Variants in TCF12 observed in about 807,000 individuals in gnomAD.
The protein encoded by TCF12 is DNA-binding protein HTF4.
A neutral mutation model predicts 86.0 loss-of-function variants in TCF12; 45 were observed. The observed-to-expected ratio is 0.52, with a 90% CI of 0.41 to 0.67. TCF12 has a LOEUF of 0.67. TCF12 is among the 30% of genes least tolerant of loss of function. The pLI is 0.00. For synonymous variants in TCF12, 330 were observed against 299.6 expected, an observed-to-expected ratio of 1.10 and a Z score of -1.05; for missense variants, 881 against 859.9, an observed-to-expected ratio of 1.02 and a Z score of -0.31.
chr15:57,149,256 T>G (rs1278981439), intron 5 of TCF12, among the ~76,000 whole-genome samples: 2 of 152,172 alleles, frequency 1.3e-5, no homozygotes, highest in South Asian at 2.1e-4. Flanking sequence ...ATATTTAGAG[T>G]ATATGTATGT....
rs1372325690 is a variant in TCF12, at chr15:57,136,958, GTTTTTTTTTTTGTTTTTTT to G, written c.326-29432_326-29414del. ...TAGACAATAGCCACTGCTTCTGGCAGTTTTTTTTTTTGTTTTTTTTTTTTTTTTTTTTTTTTTTTGAGAC... is the reference window on the plus strand; with the variant it reads ...TAGACAATAGCCACTGCTTCTGGCAGTTTTTTTTTTTTTTTTTTTTGAGAC... On this transcript the variant is annotated intron_variant, in intron 5 of 20. Coordinates refer to ENST00000333725, the MANE Select transcript of TCF12 (RefSeq NM_207037.2). Among the ~76,000 whole-genome samples, 545 of 83,010 alleles carry G rather than the reference GTTTTTTTTTTTGTTTTTTT, an allele frequency of 6.6e-3. 36 individuals carry two copies. The highest frequency in any genetic ancestry group is 0.029 in the Admixed American group (179 of 6,156). 54.5% of individuals were successfully genotyped at this position (83,010 alleles called of 152,430 possible). A position where few individuals can be genotyped will look rare whatever the true frequency, so the allele number is the denominator to read the frequency against.
At chr15:56,970,061 G>A (rs1027654506) in intron 3 of TCF12, among the ~76,000 whole-genome samples, 1 of 152,222 alleles carries the variant, frequency 6.6e-6, no homozygotes, top group African/African-American at 2.4e-5. Context: ...AAAAGGTCAT[G>A]TGGACAGACT....
intron 19 of TCF12, among the ~76,000 whole-genome samples, chr15:57,275,542 C>T (rs1373386816): frequency 1.3e-5 from 2 of 151,988 alleles, no homozygotes; most frequent in Non-Finnish European, 2.9e-5. Flanking sequence ...TTGTCTTTGG[C>T]AACACCTTCA....
At chr15:56,934,927 C>G (rs1236574857) in intron 3 of TCF12, among the ~76,000 whole-genome samples, 1 of 152,110 alleles carries the variant, frequency 6.6e-6, no homozygotes, top group African/African-American at 2.4e-5. Context: ...CGTGACTGGA[C>G]TCAAGAAAAT....
At chr15:56,920,042 G>C (rs2059710504) in intron 2 of TCF12, 54 bp downstream of exon 2, 1 of 1,603,160 alleles carries the variant, frequency 6.2e-7, no homozygotes, top group Non-Finnish European at 8.5e-7. Context: ...TTGTTTGTTT[G>C]TTTGTTTGTT....
intron 3 of TCF12, among the ~76,000 whole-genome samples, chr15:56,925,200 T>G (rs2059949483): frequency 1.3e-5 from 2 of 150,116 alleles, no homozygotes; most frequent in South Asian, 4.2e-4. Flanking sequence ...AGACTCTGTC[T>G]CCAAAAACAA....
intron 3 of TCF12, among the ~76,000 whole-genome samples, chr15:57,036,223 C>T (rs189582883): frequency 9.2e-5 from 14 of 151,740 alleles, no homozygotes; most frequent in African/African-American, 2.4e-4. Context: ...CCAGTGAAGA[C>T]GGTAATGAAG....
At chr15:56,976,458 C>T (rs1166088859) in intron 3 of TCF12, among the ~76,000 whole-genome samples, 3 of 151,310 alleles carry the variant, frequency 2.0e-5, no homozygotes, top group Non-Finnish European at 2.9e-5. Context: ...AGGATGGTCT[C>T]GATCTCCTGA....
intron 5 of TCF12, among the ~76,000 whole-genome samples, chr15:57,163,728 T>C (rs2054658954): frequency 6.6e-6 from 1 of 152,106 alleles, no homozygotes; most frequent in African/African-American, 2.4e-5. Context: ...ATTAATTCAA[T>C]AAAACTAGTT....
chr15:57,211,319 C>T (rs943863693), intron 8 of TCF12, among the ~76,000 whole-genome samples: 3 of 152,128 alleles, frequency 2.0e-5, no homozygotes, highest in Non-Finnish European at 4.4e-5. Context: ...AATACTAGCA[C>T]TTTGGGAGGC....
chr15:57,279,884 CTTTTT>C (rs34752903), intron 19 of TCF12, among the ~76,000 whole-genome samples: 12 of 98,296 alleles, frequency 1.2e-4, no homozygotes, highest in African/African-American at 1.4e-4. Context: ...CACAGTCTCA[CTTTTT>C]TTTTTTTTTT....
At chr15:57,223,233 G>C (rs1263995257) in intron 8 of TCF12, among the ~76,000 whole-genome samples, 1 of 151,936 alleles carries the variant, frequency 6.6e-6, no homozygotes, top group Admixed American at 6.6e-5. Context: ...AGGTCTATCT[G>C]TCCCCCAAAA....
At chr15:57,123,431 A>T (rs904931941) in intron 5 of TCF12, among the ~76,000 whole-genome samples, 1 of 152,194 alleles carries the variant, frequency 6.6e-6, no homozygotes, top group Non-Finnish European at 1.5e-5. Context: ...ATTCTTTTAA[A>T]GTATTTTGTT....
chr15:56,988,044 A>G (rs2063278341), intron 3 of TCF12, among the ~76,000 whole-genome samples: 1 of 152,218 alleles, frequency 6.6e-6, no homozygotes, highest in African/African-American at 2.4e-5. Context: ...TGTGCTTAAA[A>G]ATAACAGCTA....
At chr15:57,129,651 A>G (rs1378148850) in intron 5 of TCF12, 1 of 152,224 alleles carries the variant, frequency 6.6e-6, no homozygotes, top group African/African-American at 2.4e-5. Context: ...TGAAATGGAG[A>G]TAGTGGTTCT....
At chr15:57,238,757 C>T (rs1373293823) in intron 12 of TCF12, among the ~76,000 whole-genome samples, 1 of 152,074 alleles carries the variant, frequency 6.6e-6, no homozygotes, top group East Asian at 1.9e-4. Flanking sequence ...ATAATGGATT[C>T]AATGTTGACC....
intron 3 of TCF12, among the ~76,000 whole-genome samples, chr15:57,026,545 A>G (rs1162887818): frequency 6.6e-6 from 1 of 152,228 alleles, no homozygotes; most frequent in Non-Finnish European, 1.5e-5. Context: ...TTTCTGATTT[A>G]GTCGTTAATA....
At chr15:57,044,698 A>G (rs2067118036) in intron 3 of TCF12, among the ~76,000 whole-genome samples, 1 of 150,058 alleles carries the variant, frequency 6.7e-6, no homozygotes, top group Non-Finnish European at 1.5e-5. Context: ...TAGTCATGTG[A>G]TTTTTCAGGT....
intron 5 of TCF12, among the ~76,000 whole-genome samples, chr15:57,096,517 T>TTA (rs752302863): frequency 1.3e-3 from 201 of 151,340 alleles, no homozygotes; most frequent in Non-Finnish European, 1.7e-3. Flanking sequence ...CTCAAGTCCC[T>TTA]TATATATATA....
Sources: gnomAD v4.1 joint callset for allele counts (sites outside exome capture counted in the v4.1 genomes callset) on GRCh38, gnomAD v4.1.1 for gene constraint, MANE v1.5 for transcripts, NCBI Gene and HGNC (gene_info 2026-07-23, HGNC 2026-07-21) for gene names.